The following INSYN2B variants were observed in gnomAD, a reference collection of about 807,000 sequenced individuals.
INSYN2B encodes inhibitory synaptic factor family member 2B, also known as protein INSYN2B.
Under a neutral mutation model 41.2 loss-of-function variants are expected in INSYN2B, and 16 were observed. The ratio of observed to expected loss-of-function variants is 0.39; its 90% CI spans 0.26 to 0.59. The LOEUF (loss-of-function observed/expected upper bound fraction) is 0.59, where lower values mean the gene tolerates loss of function less well. Ranked by LOEUF, INSYN2B falls within the 20% of genes least tolerant of loss-of-function variation. INSYN2B has a pLI of 0.57. For missense variants in INSYN2B, 608 were observed against 646.4 expected, an observed-to-expected ratio of 0.94 and a Z score of 0.64; for synonymous variants, 245 against 244.4, an observed-to-expected ratio of 1.00 and a Z score of -0.02.
chr5:169,921,182 A>G (rs56193837), intron 1 of INSYN2B, among the ~76,000 whole-genome samples: 3,491 of 152,332 alleles, frequency 0.023, 55 homozygotes, highest in Middle Eastern at 0.065. Flanking sequence ...GGATAGGGAA[A>G]GTACTCAGAA....
At chr5:169,943,326 C>A (rs1215062294) in intron 1 of INSYN2B, among the ~76,000 whole-genome samples, 1 of 152,130 alleles carries the variant, frequency 6.6e-6, no homozygotes, top group Non-Finnish European at 1.5e-5. Context: ...AAAGGTTGAT[C>A]CCACCCTGAG....
In INSYN2B at chr5:169,929,024, C is replaced by T. The variant is rs111640147; in HGVS notation, c.-918-44208G>A. ...GCTATGTGTTCTGTTCATCTTTGTGCCCTGAGAAGAGCAGATGGAAAGCTT... is the reference window on the plus strand; with the variant it reads ...GCTATGTGTTCTGTTCATCTTTGTGTCCTGAGAAGAGCAGATGGAAAGCTT... On this transcript the variant is annotated intron_variant, in intron 1 of 3. Coordinates refer to ENST00000377365, the MANE Select transcript of INSYN2B (RefSeq NM_001129891.3). 7.9e-5 allele frequency among the ~76,000 whole-genome samples: 12 copies of T among 152,268 alleles called. No individual in the cohort carries two copies. In the South Asian group the frequency reaches 2.3e-3, roughly 29 times the overall value.
chr5:169,892,330 G>T (rs1339241663), intron 1 of INSYN2B, among the ~76,000 whole-genome samples: 1 of 152,230 alleles, frequency 6.6e-6, no homozygotes, highest in East Asian at 1.9e-4. Context: ...ACTTGCTGGT[G>T]TGTATCCCCT....
chr5:169,972,534 C>T (rs1777542762), intron 1 of INSYN2B, among the ~76,000 whole-genome samples: 2 of 143,296 alleles, frequency 1.4e-5, no homozygotes, highest in South Asian at 4.6e-4. Flanking sequence ...TTAAGAGCCA[C>T]TGTGAGACAG....
At chr5:169,939,849 G>A (rs1428412361) in intron 1 of INSYN2B, among the ~76,000 whole-genome samples, 1 of 152,234 alleles carries the variant, frequency 6.6e-6, no homozygotes, top group Non-Finnish European at 1.5e-5. Flanking sequence ...GTCAGGCACT[G>A]AATAAGGTAC....
chr5:169,921,842 G>C (rs1775192679), intron 1 of INSYN2B, among the ~76,000 whole-genome samples: 1 of 152,152 alleles, frequency 6.6e-6, no homozygotes, highest in Non-Finnish European at 1.5e-5. Context: ...CAATTGAATA[G>C]TGCACAAATA....
Position 169,883,621 on chromosome 5 carries a change from C to G in INSYN2B, c.278G>C (p.Arg93Pro). The G allele has an allele frequency of 6.4e-7, 1 of 1,551,504 alleles. No homozygotes were observed. The highest frequency in any genetic ancestry group is 8.7e-7 in the Non-Finnish European group (1 of 1,146,896). The change falls in exon 2 of 4, where the codon CGC becomes CCC. Residue 93 changes from arginine to proline, a missense_variant. By Grantham distance (103) the Arg-to-Pro change is moderately radical (BLOSUM62 -2). Coordinates refer to ENST00000377365, the MANE Select transcript of INSYN2B (RefSeq NM_001129891.3). The part of the protein sequence containing the change: ...FPRSQKAGGF[R>P]NIAIQTSPSL... Reference sequence around the variant, plus strand: ...GGGGGAAGTTTGGATTGCAATGTTGCGAAAGCCCCCTGCCTTCTGGGACCT... The same window carrying G: ...GGGGGAAGTTTGGATTGCAATGTTGGGAAAGCCCCCTGCCTTCTGGGACCT...
chr5:169,980,222 TTTTCTC>T (rs1314113852), intron 1 of INSYN2B, 49 bp downstream of exon 1: 4 of 152,128 alleles, frequency 2.6e-5, no homozygotes, highest in African/African-American at 9.7e-5. Flanking sequence ...GACGATCGCA[TTTTCTC>T]TCAGAGGATC....
intron 1 of INSYN2B, among the ~76,000 whole-genome samples, chr5:169,920,277 T>C (rs1185655632): frequency 6.6e-6 from 1 of 152,176 alleles, no homozygotes. Context: ...CAAAACATAA[T>C]TAAACACAAT....
chr5:169,900,661 T>G (rs1047512289), intron 1 of INSYN2B, among the ~76,000 whole-genome samples: 1 of 152,222 alleles, frequency 6.6e-6, no homozygotes, highest in African/African-American at 2.4e-5. Flanking sequence ...ATTAGCAGTA[T>G]TACATGCTTT....
Position 169,866,988 on chromosome 5 carries a change from C to T in INSYN2B, c.1422-2529G>A, listed in dbSNP as rs576501806. ...CAAGACTTCCCCCCACTTACAAGTC[C>T]GGGACCTTGGAACTTCTGACTGACT... is the stretch of plus-strand genomic sequence containing the variant. On this transcript the variant is annotated intron_variant, in intron 3 of 3. Coordinates refer to ENST00000377365, the MANE Select transcript of INSYN2B (RefSeq NM_001129891.3). Among the ~76,000 whole-genome samples the T allele has an allele frequency of 1.4e-4, 21 of 152,310 alleles. No homozygotes were observed. In the East Asian group the frequency reaches 3.3e-3, roughly 24 times the overall value.
intron 1 of INSYN2B, among the ~76,000 whole-genome samples, chr5:169,887,468 A>AC (rs1387502822): frequency 6.6e-6 from 1 of 152,224 alleles, no homozygotes; most frequent in Non-Finnish European, 1.5e-5. Flanking sequence ...CAATGCTTGC[A>AC]CAGAAATTGC....
intron 1 of INSYN2B, among the ~76,000 whole-genome samples, chr5:169,910,967 T>C (rs943792870): frequency 6.6e-6 from 1 of 152,132 alleles, no homozygotes; most frequent in Non-Finnish European, 1.5e-5. Context: ...ATGAGCCACT[T>C]GGAAGTGAGA....
At chr5:169,943,319 G>T (rs1482686980) in intron 1 of INSYN2B, among the ~76,000 whole-genome samples, 2 of 152,142 alleles carry the variant, frequency 1.3e-5, no homozygotes, top group South Asian at 2.1e-4. Context: ...GCTGTCTAAA[G>T]GTTGATCCCA....
At chr5:169,871,764 G>A (rs1771992259) in intron 3 of INSYN2B, among the ~76,000 whole-genome samples, 1 of 152,320 alleles carries the variant, frequency 6.6e-6, no homozygotes, top group African/African-American at 2.4e-5. Context: ...GTCCCCTGTG[G>A]AACCAGACCT....
intron 1 of INSYN2B, among the ~76,000 whole-genome samples, chr5:169,923,119 C>T (rs1375517896): frequency 6.6e-6 from 1 of 152,148 alleles, no homozygotes; most frequent in Non-Finnish European, 1.5e-5. Context: ...GGCTCTCAGG[C>T]TCCAAGGCCT....
intron 1 of INSYN2B, among the ~76,000 whole-genome samples, chr5:169,952,953 AAGGG>A (rs1485833517): frequency 6.6e-6 from 1 of 152,210 alleles, no homozygotes; most frequent in Non-Finnish European, 1.5e-5. Flanking sequence ...GATTGTGGTA[AAGGG>A]AAGGCTTCAC....
chr5:169,945,521 C>T (rs774819794), intron 1 of INSYN2B, among the ~76,000 whole-genome samples: 1 of 152,236 alleles, frequency 6.6e-6, no homozygotes, highest in Admixed American at 6.5e-5. Flanking sequence ...GCAATCTTCC[C>T]AGGCGTTCTT....
chr5:169,978,390 TGTG>T (rs761627957), intron 1 of INSYN2B, among the ~76,000 whole-genome samples: 515 of 16,546 alleles, frequency 0.031, 14 homozygotes, highest in East Asian at 0.21. Flanking sequence ...TGTGTGTGTG[TGTG>T]GGGGGGGGGG....
Sources: allele counts gnomAD v4.1 joint callset (sites outside exome capture counted in the v4.1 genomes callset), GRCh38; gene constraint gnomAD v4.1.1; transcripts MANE v1.5; gene names NCBI Gene and HGNC (gene_info 2026-07-23, HGNC 2026-07-21).